Variants in NHEJ1 observed in about 807,000 individuals in gnomAD.
NHEJ1 encodes the protein non-homologous end-joining factor 1.
NHEJ1 carries 22 observed loss-of-function variants against 39.4 expected under a neutral mutation model. The observed-to-expected ratio is 0.56, with a 90% confidence interval of 0.40 to 0.80. The LOEUF is 0.80. NHEJ1 is among the 30% of genes least tolerant of loss of function. The pLI is 0.00. For missense variants in NHEJ1, 329 were observed against 357.1 expected, an observed-to-expected ratio of 0.92 and a Z score of 0.63; for synonymous variants, 154 against 135.6, an observed-to-expected ratio of 1.14 and a Z score of -0.94.
At chr2:219,143,076 C>T (rs1949706544) in intron 5 of NHEJ1, among the ~76,000 whole-genome samples, 3 of 152,194 alleles carry the variant, frequency 2.0e-5, no homozygotes, top group Admixed American at 6.6e-5. Context: ...GTAATAATCC[C>T]AATGAGAATT....
At chr2:219,081,751 G>A (rs1949069409) in intron 5 of NHEJ1, among the ~76,000 whole-genome samples, 1 of 152,218 alleles carries the variant, frequency 6.6e-6, no homozygotes, top group South Asian at 2.1e-4. Context: ...TAGGGAACCA[G>A]AGAAGAAGAA....
At chr2:219,101,112 T>C (rs1358432789) in intron 5 of NHEJ1, among the ~76,000 whole-genome samples, 4 of 152,222 alleles carry the variant, frequency 2.6e-5, no homozygotes, top group Non-Finnish European at 5.9e-5. Flanking sequence ...TTTTCAAGGC[T>C]ATTTATTTAC....
chr2:219,070,178 A>G lies in NHEJ1; in HGVS notation c.*6203T>C. Among the ~76,000 whole-genome samples the G allele has an allele frequency of 6.6e-6, 1 of 151,570 alleles. No individual in the cohort carries two copies. The highest frequency in any genetic ancestry group is 1.5e-5 in the Non-Finnish European group (1 of 67,880). Reference sequence around the variant, plus strand: ...TGGGACTACAGGCGCACATCACCACACTAATTTTTTTTTTATTTTTATTTT... The same window carrying G: ...TGGGACTACAGGCGCACATCACCACGCTAATTTTTTTTTTATTTTTATTTT... On this transcript the variant is annotated 3_prime_UTR_variant, in exon 8 of 8. Coordinates refer to ENST00000356853, the MANE Select transcript of NHEJ1 (RefSeq NM_024782.3).
In NHEJ1 at chr2:219,076,111, T is replaced by C. The variant is rs1949010857; in HGVS notation, c.*270A>G. ...GGTGCTTTCTTGCTGACTTGCCCTA[T>C]ATACCTAAAGTCCATGGTAGAAACC... On this transcript the variant is annotated 3_prime_UTR_variant, in exon 8 of 8. Transcript: ENST00000356853. The C allele has an allele frequency of 1.6e-6, 1 of 635,882 alleles. No homozygotes were observed. Among genetic ancestry groups the C allele is most frequent in the African/African-American group, 1.8e-5 (1 of 54,498 alleles). 39.4% of individuals were successfully genotyped at this position (635,882 alleles called of 1,614,324 possible).
At chr2:219,103,509 C>T (rs899968461) in intron 5 of NHEJ1, among the ~76,000 whole-genome samples, 1 of 152,130 alleles carries the variant, frequency 6.6e-6, no homozygotes, top group Admixed American at 6.5e-5. Flanking sequence ...CTCCTGACCT[C>T]AAGTGATCCG....
chr2:219,150,921 A>G (rs1174365477), intron 3 of NHEJ1, among the ~76,000 whole-genome samples: 2 of 151,464 alleles, frequency 1.3e-5, no homozygotes, highest in Non-Finnish European at 2.9e-5. Context: ...GCGCCATTGC[A>G]CTCCAGCCTG....
At chr2:219,157,413 A>G in intron 3 of NHEJ1, 59 bp downstream of exon 3, 1 of 1,465,872 alleles carries the variant, frequency 6.8e-7, no homozygotes, top group Non-Finnish European at 9.5e-7. Flanking sequence ...AAGCACCTAA[A>G]GCTTCCTCTC....
At position 219,076,231 on chromosome 2, in the gene NHEJ1, T is replaced by C. The variant is rs1221395627; in HGVS notation, c.*150A>G. On this transcript the variant is annotated 3_prime_UTR_variant, in exon 8 of 8. Coordinates refer to ENST00000356853, the MANE Select transcript of NHEJ1 (RefSeq NM_024782.3). ...AGGGAAGGCCAATTCCCTGTGGGCC[T>C]GTCAACATCAACTTCAGTTCTCTCG... The C allele has an allele frequency of 4.1e-5, 62 of 1,527,310 alleles. 1 individual carries two copies. The South Asian group carries it at 5.8e-4, about 14-fold the overall frequency. The allele number at this position is 1,527,310 out of a possible 1,614,324, so 94.6% of individuals were successfully genotyped here.
At chr2:219,091,426 C>T (rs1949158916) in intron 5 of NHEJ1, among the ~76,000 whole-genome samples, 1 of 151,992 alleles carries the variant, frequency 6.6e-6, no homozygotes, top group Non-Finnish European at 1.5e-5. Flanking sequence ...GCAAGAAACA[C>T]ATTGGCTGGG....
At chr2:219,118,488 G>A (rs1393652492) in intron 5 of NHEJ1, among the ~76,000 whole-genome samples, 1 of 152,014 alleles carries the variant, frequency 6.6e-6, no homozygotes, top group Admixed American at 6.6e-5. Flanking sequence ...GAGGGGGAGG[G>A]ACAGGGAGGG....
intron 3 of NHEJ1, among the ~76,000 whole-genome samples, chr2:219,154,383 A>G (rs971261152): frequency 2.0e-5 from 3 of 152,238 alleles, no homozygotes; most frequent in Non-Finnish European, 4.4e-5. Context: ...GCAAAAGGAA[A>G]AGGAGGGACT....
intron 5 of NHEJ1, among the ~76,000 whole-genome samples, chr2:219,141,781 C>A (rs1442772559): frequency 6.6e-6 from 1 of 151,872 alleles, no homozygotes; most frequent in Non-Finnish European, 1.5e-5. Flanking sequence ...ATGAGATGAC[C>A]CAGAGGAAGG....
rs1171385067 is a variant in NHEJ1, at chr2:219,074,108, T to C, written c.*2273A>G. On this transcript the variant is annotated 3_prime_UTR_variant, in exon 8 of 8. Transcript: ENST00000356853. Reference sequence around the variant, plus strand: ...TGGTAGCAATGTTTCTCTAACAACGTATTTAAGCAATACCCCAATGGAGAC... The same window carrying C: ...TGGTAGCAATGTTTCTCTAACAACGCATTTAAGCAATACCCCAATGGAGAC... Among the ~76,000 whole-genome samples the C allele has an allele frequency of 2.0e-5, 3 of 152,234 alleles. No individual in the cohort carries two copies. Among genetic ancestry groups the C allele is most frequent in the African/African-American group, 7.2e-5 (3 of 41,458 alleles).
chr2:219,118,967 T>C (rs955918307), intron 5 of NHEJ1, among the ~76,000 whole-genome samples: 1 of 152,210 alleles, frequency 6.6e-6, no homozygotes, highest in Non-Finnish European at 1.5e-5. Context: ...CTGGGGGGAC[T>C]TGAACCATCT....
intron 5 of NHEJ1, among the ~76,000 whole-genome samples, chr2:219,089,907 T>G (rs1271577072): frequency 6.6e-6 from 1 of 152,192 alleles, no homozygotes; most frequent in Non-Finnish European, 1.5e-5. Flanking sequence ...AGGCAGTCAG[T>G]GGAGCAGATA....
At chr2:219,157,773 C>T (rs1002194747) in intron 2 of NHEJ1, 89 bp from the exon 3 acceptor site, 27 of 1,036,986 alleles carry the variant, frequency 2.6e-5, no homozygotes, top group African/African-American at 1.4e-4. Flanking sequence ...CTGGTTAACA[C>T]GAAGGCAATG....
At chr2:219,081,400 G>A (rs1949066163) in intron 5 of NHEJ1, among the ~76,000 whole-genome samples, 1 of 152,180 alleles carries the variant, frequency 6.6e-6, no homozygotes, top group Non-Finnish European at 1.5e-5. Flanking sequence ...TGAGCCAGGA[G>A]CACGATGTAC....
intron 5 of NHEJ1, chr2:219,124,818 A>G (rs1448876149): frequency 6.6e-6 from 1 of 152,194 alleles, no homozygotes; most frequent in East Asian, 1.9e-4. Flanking sequence ...CAGAACAAAT[A>G]TAGTGCTGCT....
intron 5 of NHEJ1, among the ~76,000 whole-genome samples, chr2:219,110,357 A>T (rs959937599): frequency 5.9e-5 from 9 of 151,704 alleles, no homozygotes; most frequent in East Asian, 1.9e-4. Flanking sequence ...CTCTACAAAA[A>T]ATATATATAT....
Sources: allele counts gnomAD v4.1 joint callset (sites outside exome capture counted in the v4.1 genomes callset), GRCh38; gene constraint gnomAD v4.1.1; transcripts MANE v1.5; gene names NCBI Gene and HGNC (gene_info 2026-07-23, HGNC 2026-07-21).